The following EIF4G3 variants were observed in gnomAD, a reference collection of about 807,000 sequenced individuals.
The protein encoded by EIF4G3 is eIF-4-gamma 3.
A neutral mutation model predicts 186.4 loss-of-function variants in EIF4G3; 34 were observed. The observed-to-expected ratio is 0.18, with a 90% CI of 0.14 to 0.24. The LOEUF is 0.24. EIF4G3 is among the 10% of genes least tolerant of loss of function. The probability of loss-of-function intolerance (pLI) is 1.00; values close to 1 mark genes in which losing one functional copy is unlikely to be tolerated. For missense variants in EIF4G3, 1,536 were observed against 1,948.5 expected (o/e 0.79, Z 3.99); for synonymous variants, 673 against 679.5 (o/e 0.99, Z 0.15).
chr1:21,053,674 T>G (rs1473403583), intron 3 of EIF4G3, among the ~76,000 whole-genome samples: 1 of 112,004 alleles, frequency 8.9e-6, no homozygotes, highest in African/African-American at 3.4e-5. Flanking sequence ...TACTGGGAAG[T>G]GAGGAGCCCC....
At chr1:21,039,321 G>C (rs1049100252) in intron 4 of EIF4G3, among the ~76,000 whole-genome samples, 8 of 152,158 alleles carry the variant, frequency 5.3e-5, no homozygotes, top group Admixed American at 5.2e-4. Flanking sequence ...TCCATTCTGT[G>C]AGAGAACACA....
chr1:20,815,658 G>C (rs1212575041), intron 34 of EIF4G3, among the ~76,000 whole-genome samples: 3 of 131,562 alleles, frequency 2.3e-5, no homozygotes, highest in Non-Finnish European at 5.1e-5. Flanking sequence ...GTGGGGGGGG[G>C]TCAGCCCCCC....
chr1:20,830,577 G>A (rs10916875), intron 30 of EIF4G3, among the ~76,000 whole-genome samples: 3,377 of 152,290 alleles, frequency 0.022, 113 homozygotes, highest in African/African-American at 0.075. Flanking sequence ...CTCATGCTCT[G>A]TGGGCTAGCA....
rs773422645 is a variant in EIF4G3 at position 20,853,654 on chromosome 1, T to C, written c.3457A>G (p.Ser1153Gly). 1.9e-6 allele frequency: 3 copies of C among 1,613,502 alleles called. No individual in the cohort carries two copies. The highest frequency in any genetic ancestry group is 1.7e-5 in the Admixed American group (1 of 59,976). The change falls in exon 27 of 37, where the codon AGT (serine) becomes GGT (glycine). Residue 1153 changes from serine (S) to glycine (G), a missense_variant. Transcript: ENST00000602326. ...ETDALRSSAS[S>G]LNRFSALQPP... Reference sequence around the variant, plus strand: ...TGCAGGGCAGAGAATCTGTTTAAACTGGAAGCACTTGACCGTAAGGCATCT... The same window carrying C: ...TGCAGGGCAGAGAATCTGTTTAAACCGGAAGCACTTGACCGTAAGGCATCT...
chr1:20,939,824 C>CCA (rs1210430203), intron 14 of EIF4G3, among the ~76,000 whole-genome samples: 1 of 151,478 alleles, frequency 6.6e-6, no homozygotes, highest in Non-Finnish European at 1.5e-5. Flanking sequence ...TTACCTACAG[C>CCA]CACACCAACA....
At chr1:21,058,482 G>T (rs2094683918) in intron 3 of EIF4G3, among the ~76,000 whole-genome samples, 1 of 151,906 alleles carries the variant, frequency 6.6e-6, no homozygotes. Flanking sequence ...GTGTGGACAT[G>T]GCTCTAGGGG....
chr1:20,828,522 G>C (rs1290320680), intron 31 of EIF4G3, among the ~76,000 whole-genome samples: 1 of 152,096 alleles, frequency 6.6e-6, no homozygotes, highest in African/African-American at 2.4e-5. Context: ...CTTTACTATA[G>C]GACTGTCATA....
chr1:21,016,148 T>C (rs985356534), intron 4 of EIF4G3, among the ~76,000 whole-genome samples: 1 of 152,200 alleles, frequency 6.6e-6, no homozygotes, highest in Non-Finnish European at 1.5e-5. Context: ...AATAACAAAG[T>C]TGGAGAGGCC....
At chr1:20,848,018 A>T (rs912998578) in intron 29 of EIF4G3, 4 of 348,246 alleles carry the variant, frequency 1.1e-5, no homozygotes, top group African/African-American at 2.2e-5. Context: ...CCAGGATGGA[A>T]TGCAGTGGAT....
chr1:21,050,566 A>C (rs2094151094), intron 4 of EIF4G3, among the ~76,000 whole-genome samples: 1 of 152,214 alleles, frequency 6.6e-6, no homozygotes, highest in Non-Finnish European at 1.5e-5. Flanking sequence ...TCGAAAAGCA[A>C]ATCAGTGCTT....
chr1:20,965,465 T>A (rs570863079), intron 12 of EIF4G3, among the ~76,000 whole-genome samples: 1 of 152,260 alleles, frequency 6.6e-6, no homozygotes, highest in East Asian at 1.9e-4. Flanking sequence ...TCACCCCAAT[T>A]TAGATGGTAA....
At chr1:20,955,802 G>A (rs1256033771) in intron 12 of EIF4G3, among the ~76,000 whole-genome samples, 1 of 152,096 alleles carries the variant, frequency 6.6e-6, no homozygotes, top group Non-Finnish European at 1.5e-5. Context: ...TGGTTTCTGA[G>A]ATAGGGGCCA....
chr1:20,918,688 ATCC>A (rs1298763251), intron 14 of EIF4G3, among the ~76,000 whole-genome samples: 1 of 137,940 alleles, frequency 7.2e-6, no homozygotes, highest in Non-Finnish European at 1.6e-5. Context: ...TTTTAAATAT[ATCC>A]TCCTAGTATC....
At chr1:21,167,848 A>C in intron 2 of EIF4G3, 1 of 287,182 alleles carries the variant, frequency 3.5e-6, no homozygotes, top group South Asian at 3.2e-5. Context: ...AGAGATAATA[A>C]AGAAATGTAA....
At chr1:21,009,253 T>TTTACCAACTTTACCAA (rs2086241253) in intron 4 of EIF4G3, among the ~76,000 whole-genome samples, 1 of 152,222 alleles carries the variant, frequency 6.6e-6, no homozygotes, top group Admixed American at 6.5e-5. Flanking sequence ...CCAACACAGC[T>TTTACCAACTTTACCAA]CACTGCAGCC....
rs571091151 is a variant in EIF4G3, at chr1:20,851,073, C to T, written c.3772+185G>A. Among the ~76,000 whole-genome samples, 32 of 152,288 alleles carry T rather than the reference C, an allele frequency of 2.1e-4. No individual in the cohort carries two copies. In the South Asian group the frequency reaches 6.0e-3, roughly 29 times the overall value. ...GAAAGGAGAAAATTTACAAACTGTT[C>T]AGCTAAGGCATACCTAGGGAATGAG... On this transcript the variant is annotated intron_variant, in intron 28 of 36. Coordinates refer to ENST00000602326, the MANE Select transcript of EIF4G3 (RefSeq NM_001391906.1).
chr1:20,918,701 CTTTTTTTTTTTTTTTT>C (rs35704755), intron 14 of EIF4G3, among the ~76,000 whole-genome samples: 1 of 94,902 alleles, frequency 1.1e-5, no homozygotes. Flanking sequence ...CTCCTAGTAT[CTTTTTTTTTTTTTTTT>C]TTTTTTTTTA....
Position 21,093,357 on chromosome 1 carries a change from T to A in EIF4G3, c.-271-4144A>T, listed in dbSNP as rs1443636656. Among the ~76,000 whole-genome samples the A allele has an allele frequency of 2.0e-5, 3 of 152,190 alleles. No homozygotes were observed. In the East Asian group the frequency reaches 5.8e-4, roughly 29 times the overall value. On this transcript the variant is annotated intron_variant, in intron 2 of 36. Transcript: ENST00000602326. ...CAACAGACACATGAAAAAATGCTCA[T>A]CATCACTGGCCATCAGAGAAATGCA...
intron 2 of EIF4G3, among the ~76,000 whole-genome samples, chr1:21,141,481 A>G (rs1489159088): frequency 2.1e-5 from 3 of 141,808 alleles, no homozygotes; most frequent in Non-Finnish European, 4.6e-5. Context: ...CTACCAAGAG[A>G]AAAAAAAAAA....
Sources: gnomAD v4.1 joint callset for allele counts (sites outside exome capture counted in the v4.1 genomes callset) on GRCh38, gnomAD v4.1.1 for gene constraint, MANE v1.5 for transcripts, NCBI Gene and HGNC (gene_info 2026-07-23, HGNC 2026-07-21) for gene names.